Variants in GMPPB observed in about 807,000 individuals in gnomAD.
GMPPB encodes the protein mannose-1-phosphate guanylyltransferase catalytic subunit beta.
In GMPPB, 38 loss-of-function variants were observed where a neutral mutation model predicts 40.3. The ratio of observed to expected loss-of-function variants is 0.94; its 90% CI spans 0.73 to 1.24. The LOEUF (loss-of-function observed/expected upper bound fraction) is 1.24. Among genes scored for constraint, GMPPB ranks in the 50% most tolerant of loss-of-function variants. GMPPB has a pLI of 0.00. For synonymous variants in GMPPB, 193 were observed against 191.8 expected (o/e 1.01, Z -0.05); for missense variants, 436 against 487.1 (o/e 0.90, Z 0.99).
In GMPPB at chr3:49,721,619, G is replaced by A; in HGVS notation, c.*133C>T. 2 of 908,298 alleles carry A rather than the reference G, an allele frequency of 2.2e-6. No individual in the cohort carries two copies. The highest frequency in any genetic ancestry group is 2.0e-5 in the Admixed American group (1 of 49,100). The allele number at this position is 908,298 out of a possible 1,614,324, so 56.3% of individuals were successfully genotyped here. A position where few individuals can be genotyped will look rare whatever the true frequency, so the allele number is the denominator to read the frequency against. On this transcript the variant is annotated 3_prime_UTR_variant, in exon 9 of 9. Transcript: ENST00000308388. Reference sequence around the variant, plus strand: ...AGATGATGTCCACATGAGAAGGCAGGTGTCCAACAGCTTCAGCTTCACCCA... The same window carrying A: ...AGATGATGTCCACATGAGAAGGCAGATGTCCAACAGCTTCAGCTTCACCCA...
chr3:49,722,161 G>A lies in GMPPB; in HGVS notation c.769-14C>T. On this transcript the variant is annotated splice_polypyrimidine_tract_variant and intron_variant, in intron 7 of 8. Coordinates refer to ENST00000308388, the MANE Select transcript of GMPPB (RefSeq NM_021971.4). ...GGCACTTGGGTCCTGAGAGCGGTGG[G>A]AAAAATACAAGTGGGCCACTTGTCT... 1 of 1,606,998 alleles carries A rather than the reference G, an allele frequency of 6.2e-7. No homozygotes were observed. Among genetic ancestry groups the A allele is most frequent in the Non-Finnish European group, 8.5e-7 (1 of 1,175,272 alleles).
Position 49,723,259 on chromosome 3 carries a change from C to A in GMPPB, c.254G>T (p.Gly85Val). The change falls in exon 3 of 9, where the codon GGG (glycine) becomes GTG (valine). Residue 85 changes from glycine (G) to valine (V), a missense_variant. Gly to Val is a moderately radical substitution (Grantham distance 109, BLOSUM62 -3). Coordinates refer to ENST00000308388, the MANE Select transcript of GMPPB (RefSeq NM_021971.4). ...ACCTTTCTGCCTCTACTGACCTGTC[C>A]CCAAAGGCTCCTCTTCATGGGACAT... ...ISMSHEEEPL[G>V]TAGPLALARD... The A allele has an allele frequency of 6.2e-7, 1 of 1,614,130 alleles. No individual in the cohort carries two copies. The highest frequency in any genetic ancestry group is 8.5e-7 in the Non-Finnish European group (1 of 1,179,992).
rs767453255 is a variant in GMPPB, at chr3:49,721,012, C to T, written c.*740G>A. 7 of 1,610,398 alleles carry T rather than the reference C, an allele frequency of 4.3e-6. No homozygotes were observed. Among genetic ancestry groups the T allele is most frequent in the Middle Eastern group, 1.7e-4 (1 of 6,060 alleles). ...ACTCCAGCCCACCCTTCACTCTCCT[C>T]CCTGCAGCCCACCAGTGAGGAGGAC... On this transcript the variant is annotated 3_prime_UTR_variant, in exon 9 of 9. Coordinates refer to ENST00000308388, the MANE Select transcript of GMPPB (RefSeq NM_021971.4).
rs1439932404 is a variant in GMPPB at position 49,720,103 on chromosome 3, G to A, written c.*1649C>T. 6.3e-6 allele frequency: 1 copy of A among 159,676 alleles called. No individual in the cohort carries two copies. The highest frequency in any genetic ancestry group is 1.4e-5 in the Non-Finnish European group (1 of 72,644). The allele number at this position is 159,676 out of a possible 1,614,324, so 9.9% of individuals were successfully genotyped here. A position where few individuals can be genotyped will look rare whatever the true frequency, so the allele number is the denominator to read the frequency against. ...AGCCAAGGCAGGTGGATCACCTGAG[G>A]TCAGGAATTCGAGACCAGCCTGGCC... On this transcript the variant is annotated 3_prime_UTR_variant, in exon 9 of 9. Coordinates refer to ENST00000308388, the MANE Select transcript of GMPPB (RefSeq NM_021971.4).
rs1309201982 is a variant in GMPPB at position 49,723,661 on chromosome 3, C to T, written c.66G>A (p.Pro22=). 9 of 1,581,840 alleles carry T rather than the reference C, an allele frequency of 5.7e-6. No individual in the cohort carries two copies. Among genetic ancestry groups the T allele is most frequent in the South Asian group, 2.3e-5 (2 of 86,196 alleles). Residue 22 remains proline, a synonymous_variant, in exon 1 of 9, where the codon CCG becomes CCA. Coordinates refer to ENST00000308388, the MANE Select transcript of GMPPB (RefSeq NM_021971.4). ...TATTGCAGAAGTCCACCAGTGGCTTCGGGGTGCTCAGCGTCAGCGGCCGTA... is the reference window on the plus strand; with the variant it reads ...TATTGCAGAAGTCCACCAGTGGCTTTGGGGTGCTCAGCGTCAGCGGCCGTA... The part of the protein sequence containing the change: ...TRLRPLTLST[P]KPLVDFCNKP...
Position 49,722,063 on chromosome 3 carries a change from A to G in GMPPB, c.853T>C (p.Cys285Arg). ...GPGVVVEDGVCIRRCTVLRDA... is the reference protein window; with the variant it reads ...GPGVVVEDGVRIRRCTVLRDA... ...CGCAGCACCGTGCACCGCCGGATAC[A>G]CACACCATCTTCGACCACCACGCCA... The change falls in exon 8 of 9, where the codon TGT becomes CGT. Residue 285 changes from cysteine to arginine, a missense_variant. By Grantham distance (180) the Cys-to-Arg change is radical. Transcript: ENST00000308388. 1.2e-6 allele frequency: 2 copies of G among 1,613,576 alleles called. No individual in the cohort carries two copies. Among genetic ancestry groups the G allele is most frequent in the South Asian group, 1.1e-5 (1 of 91,086 alleles).
Position 49,721,768 on chromosome 3 carries a change from G to C in GMPPB, c.1067C>G (p.Pro356Arg). 1 of 1,605,788 alleles carries C rather than the reference G, an allele frequency of 6.2e-7. No homozygotes were observed. Residue 356 changes from proline (P) to arginine (R), a missense_variant, in exon 9 of 9, where the codon CCT becomes CGT. Coordinates refer to ENST00000308388, the MANE Select transcript of GMPPB (RefSeq NM_021971.4). ...TGCATCCCCTCACATGATGATACGA[G>C]GCTCTGGCACTGACTCGCCAATAGA... ...HKSIGESVPE[P>R]RIIM
At position 49,723,379 on chromosome 3, in the gene GMPPB, G is replaced by A. The variant is rs1442620099; in HGVS notation, c.210+13C>T. ...CGGGGACCGAGAATAAGGGCCAAGA[G>A]TCTGTGCCTCACCCTCTGCTCCTGT... On this transcript the variant is annotated intron_variant, in intron 2 of 8. Coordinates refer to ENST00000308388, the MANE Select transcript of GMPPB (RefSeq NM_021971.4). 1 of 1,614,056 alleles carries A rather than the reference G, an allele frequency of 6.2e-7. No homozygotes were observed. The highest frequency in any genetic ancestry group is 2.2e-5 in the East Asian group (1 of 44,884).
At position 49,721,949 on chromosome 3, in the gene GMPPB, C is replaced by T. The variant is rs747728635; in HGVS notation, c.951+16G>A. The T allele has an allele frequency of 6.2e-7, 1 of 1,600,802 alleles. No individual in the cohort carries two copies. ...TCCCCGCCCCTCTCCCCACCCAGCCCAGCCCACAGGCTTACCCACTGACCC... is the reference window on the plus strand; with the variant it reads ...TCCCCGCCCCTCTCCCCACCCAGCCTAGCCCACAGGCTTACCCACTGACCC... On this transcript the variant is annotated intron_variant, in intron 8 of 8. Coordinates refer to ENST00000308388, the MANE Select transcript of GMPPB (RefSeq NM_021971.4).
intron 1 of GMPPB, 63 bp from the exon 2 acceptor site, chr3:49,723,535 T>A: frequency 1.2e-6 from 2 of 1,611,038 alleles, no homozygotes; most frequent in Non-Finnish European, 1.7e-6. Flanking sequence ...TGACCCCTAG[T>A]CGCTGGCCAT....
chr3:49,723,587 C>T lies in GMPPB; in HGVS notation c.129+11G>A. On this transcript the variant is annotated intron_variant, in intron 1 of 8. Coordinates refer to ENST00000308388, the MANE Select transcript of GMPPB (RefSeq NM_021971.4). ...TCCGAACGCGACTCTGATCCCGACC[C>T]AGGGTCTTACCGCGGCTAGCGCCTC... 1 of 1,598,844 alleles carries T rather than the reference C, an allele frequency of 6.3e-7. No individual in the cohort carries two copies. The highest frequency in any genetic ancestry group is 8.5e-7 in the Non-Finnish European group (1 of 1,171,476).
rs1344984291 is a variant in GMPPB, at chr3:49,720,526, A to T, written c.*1226T>A. ...CCCTACCTAGGAGAGAGCAAGCCAC[A>T]TCAGTGCTCCTGGCAGATCCCTGCT... On this transcript the variant is annotated 3_prime_UTR_variant, in exon 9 of 9. Transcript: ENST00000308388. 1.3e-6 allele frequency: 2 copies of T among 1,598,466 alleles called. No homozygotes were observed. The highest frequency in any genetic ancestry group is 1.7e-6 in the Non-Finnish European group (2 of 1,171,278).
At position 49,723,122 on chromosome 3, in the gene GMPPB, A is replaced by G. The variant is rs766340945; in HGVS notation, c.260-8T>C. ...CCAGCGCCAGGGGCCCAGCTGGGGGAAGGGGACAGGTCACCACCTTGCTGG... is the reference window on the plus strand; with the variant it reads ...CCAGCGCCAGGGGCCCAGCTGGGGGGAGGGGACAGGTCACCACCTTGCTGG... On this transcript the variant is annotated splice_polypyrimidine_tract_variant and splice_region_variant and intron_variant, in intron 3 of 8. Transcript: ENST00000308388. 3 of 1,613,704 alleles carry G rather than the reference A, an allele frequency of 1.9e-6. No homozygotes were observed. Among genetic ancestry groups the G allele is most frequent in the Non-Finnish European group, 2.5e-6 (3 of 1,179,876 alleles).
In GMPPB at chr3:49,721,119, A is replaced by G; in HGVS notation, c.*633T>C. On this transcript the variant is annotated 3_prime_UTR_variant, in exon 9 of 9. Transcript: ENST00000308388. ...CAAGTCCTGCAAGTAAGTGGGCCCC[A>G]CAGCTTGGTGGTGGGGAGAGCAGTA... 6.2e-7 allele frequency: 1 copy of G among 1,613,910 alleles called. No individual in the cohort carries two copies. Among genetic ancestry groups the G allele is most frequent in the South Asian group, 1.1e-5 (1 of 91,066 alleles).
chr3:49,722,329 C>T lies in GMPPB; in HGVS notation c.670G>A (p.Asp224Asn), dbSNP rs768704043. The change falls in exon 7 of 9, where the codon GAC (aspartate) becomes AAC (asparagine). Residue 224 changes from aspartate to asparagine, a missense_variant. Asp to Asn is a conservative substitution (Grantham distance 23). Transcript: ENST00000308388. Reference sequence around the variant, plus strand: ...AAGAGGCACATGCCAGTGAGGAAGTCCTTGGGCTGCCCAATGTCCATCCAG... The same window carrying T: ...AAGAGGCACATGCCAGTGAGGAAGTTCTTGGGCTGCCCAATGTCCATCCAG... ...GFWMDIGQPK[D>N]FLTGMCLFLQ... The T allele has an allele frequency of 1.2e-6, 2 of 1,613,974 alleles. No individual in the cohort carries two copies. The highest frequency in any genetic ancestry group is 1.1e-5 in the South Asian group (1 of 91,070).
chr3:49,722,366 G>A lies in GMPPB; in HGVS notation c.641-8C>T. 1 of 1,613,736 alleles carries A rather than the reference G, an allele frequency of 6.2e-7. No homozygotes were observed. Among genetic ancestry groups the A allele is most frequent in the Non-Finnish European group, 8.5e-7 (1 of 1,179,824 alleles). On this transcript the variant is annotated splice_polypyrimidine_tract_variant and splice_region_variant and intron_variant, in intron 6 of 8. Coordinates refer to ENST00000308388, the MANE Select transcript of GMPPB (RefSeq NM_021971.4). ...CAATGTCCATCCAGAAGCCTGTAGG[G>A]AGGGATGCATCAGGGGCCTCAGCCC... is the stretch of plus-strand genomic sequence containing the variant.
In GMPPB at chr3:49,720,478, C is replaced by G; in HGVS notation, c.*1274G>C. On this transcript the variant is annotated 3_prime_UTR_variant, in exon 9 of 9. Coordinates refer to ENST00000308388, the MANE Select transcript of GMPPB (RefSeq NM_021971.4). ...AGAGACTTTTAGCCAGGCCCCAAGC[C>G]TTCTGACTGCCCTTGCACCCTCCCC... 1 of 1,517,754 alleles carries G rather than the reference C, an allele frequency of 6.6e-7. No homozygotes were observed. The highest frequency in any genetic ancestry group is 2.3e-5 in the East Asian group (1 of 43,862). 94.0% of individuals were successfully genotyped at this position (1,517,754 alleles called of 1,614,324 possible).
At position 49,722,030 on chromosome 3, in the gene GMPPB, G is replaced by C. The variant is rs755758590; in HGVS notation, c.886C>G (p.Arg296Gly). ...IRRCTVLRDARIRSHSWLESC... is the reference protein window; with the variant it reads ...IRRCTVLRDAGIRSHSWLESC... Reference sequence around the variant, plus strand: ...TCAAGCCAGGAATGGGAACGGATCCGGGCATCCCGCAGCACCGTGCACCGC... The same window carrying C: ...TCAAGCCAGGAATGGGAACGGATCCCGGCATCCCGCAGCACCGTGCACCGC... The change falls in exon 8 of 9, where the codon CGG becomes GGG. Residue 296 changes from arginine to glycine, a missense_variant. Physicochemically the swap from Arg to Gly is moderately radical, Grantham distance 125. Transcript: ENST00000308388. 4 of 1,607,556 alleles carry C rather than the reference G, an allele frequency of 2.5e-6. No homozygotes were observed. Among genetic ancestry groups the C allele is most frequent in the African/African-American group, 2.7e-5 (2 of 74,544 alleles).
In GMPPB at chr3:49,723,824, C is replaced by G; in HGVS notation, c.-98G>C. The stretch of plus-strand genomic sequence containing the variant: ...GCACTCCCAACGCCGTGCCCGGCCC[C>G]GCGCCCTTCACCAACCCGCCTGACA... On this transcript the variant is annotated 5_prime_UTR_variant, in exon 1 of 9. Coordinates refer to ENST00000308388, the MANE Select transcript of GMPPB (RefSeq NM_021971.4). 1 of 1,386,598 alleles carries G rather than the reference C, an allele frequency of 7.2e-7. No homozygotes were observed. The highest frequency in any genetic ancestry group is 9.5e-7 in the Non-Finnish European group (1 of 1,054,298). 85.9% of individuals were successfully genotyped at this position (1,386,598 alleles called of 1,614,324 possible). A position where few individuals can be genotyped will look rare whatever the true frequency, so the allele number is the denominator to read the frequency against.
Sources: gnomAD v4.1 joint callset for allele counts on GRCh38, gnomAD v4.1.1 for gene constraint, MANE v1.5 for transcripts, NCBI Gene and HGNC (gene_info 2026-07-23, HGNC 2026-07-21) for gene names.